Variants in ASB3 observed in about 807,000 individuals in gnomAD.
The protein encoded by ASB3 is ankyrin repeat and SOCS box protein 3.
Under a neutral mutation model 54.5 loss-of-function variants are expected in ASB3, and 41 were observed. The observed-to-expected ratio is 0.75, with a 90% CI of 0.59 to 0.98. The LOEUF is 0.98. Among genes scored for constraint, ASB3 ranks in the 50% least tolerant of loss-of-function variants. ASB3 has a pLI of 0.00. For missense variants in ASB3, 733 were observed against 620.0 expected, an observed-to-expected ratio of 1.18 and a Z score of -1.94; for synonymous variants, 266 against 221.2, an observed-to-expected ratio of 1.20 and a Z score of -1.80.
chr2:53,699,729 T>A (rs1669379343), intron 8 of ASB3, among the ~76,000 whole-genome samples: 1 of 150,216 alleles, frequency 6.7e-6, no homozygotes, highest in Non-Finnish European at 1.5e-5. Context: ...ATAGAAAGAG[T>A]CTTCTTCTTG....
intron 5 of ASB3, 91 bp from the exon 6 acceptor site, chr2:53,716,834 G>A (rs756380278): frequency 1.6e-4 from 219 of 1,371,510 alleles, no homozygotes; most frequent in Non-Finnish European, 1.9e-4. Flanking sequence ...AAAGGGTTTC[G>A]TAGCACGGTA....
intron 2 of ASB3, among the ~76,000 whole-genome samples, chr2:53,751,800 A>G (rs1672529470): frequency 6.6e-6 from 1 of 152,244 alleles, no homozygotes; most frequent in Non-Finnish European, 1.5e-5. Context: ...TTAAGCCATG[A>G]TATCCCAGTA....
At chr2:53,728,015 C>T (rs576162537) in intron 5 of ASB3, among the ~76,000 whole-genome samples, 11 of 152,006 alleles carry the variant, frequency 7.2e-5, no homozygotes, top group Admixed American at 3.9e-4. Flanking sequence ...CATGAGCAAC[C>T]GTGCCTGGCC....
chr2:53,701,414 G>A (rs1392669066), intron 7 of ASB3, among the ~76,000 whole-genome samples: 1 of 152,176 alleles, frequency 6.6e-6, no homozygotes, highest in Non-Finnish European at 1.5e-5. Flanking sequence ...GTAATTGGCA[G>A]AACTGGGATA....
chr2:53,730,484 T>C lies in ASB3; in HGVS notation c.356-914A>G, dbSNP rs181685078. On this transcript the variant is annotated intron_variant, in intron 3 of 9. Coordinates refer to ENST00000263634, the MANE Select transcript of ASB3 (RefSeq NM_016115.5). ...TAAGTTGATTTCATGTCTTGGTGAT[T>C]GTGAATGGTGCTGCAAGGAACATAC... Among the ~76,000 whole-genome samples the C allele has an allele frequency of 6.6e-5, 10 of 152,294 alleles. No individual in the cohort carries two copies. The East Asian group carries it at 1.9e-3, about 29-fold the overall frequency.
At chr2:53,737,875 A>G (rs1191560014) in intron 3 of ASB3, among the ~76,000 whole-genome samples, 1 of 152,206 alleles carries the variant, frequency 6.6e-6, no homozygotes, top group Non-Finnish European at 1.5e-5. Context: ...AATCAAACTG[A>G]ACACTGTCCT....
At chr2:53,771,419 G>A (rs781681441) in intron 1 of ASB3, among the ~76,000 whole-genome samples, 132 of 152,222 alleles carry the variant, frequency 8.7e-4, no homozygotes, top group Non-Finnish European at 1.7e-3. Context: ...AGGCTGAGGT[G>A]AGAGAATTGC....
At chr2:53,673,609 A>G (rs1000903370) in intron 9 of ASB3, among the ~76,000 whole-genome samples, 13 of 152,206 alleles carry the variant, frequency 8.5e-5, no homozygotes, top group Non-Finnish European at 1.8e-4. Flanking sequence ...TGACTTGCCC[A>G]CTGAGATGTG....
At chr2:53,736,118 T>C (rs1238717050) in intron 3 of ASB3, among the ~76,000 whole-genome samples, 2 of 152,058 alleles carry the variant, frequency 1.3e-5, no homozygotes, top group African/African-American at 4.8e-5. Flanking sequence ...TTGGACCACG[T>C]TAAAATTAAG....
chr2:53,771,847 C>A, intron 1 of ASB3: 1 of 900,476 alleles, frequency 1.1e-6, no homozygotes. Flanking sequence ...GTTGCTAATG[C>A]TCAGCTACTT....
intron 3 of ASB3, among the ~76,000 whole-genome samples, chr2:53,737,724 G>GAAA (rs543660229): frequency 6.3e-5 from 4 of 63,882 alleles, no homozygotes; most frequent in Non-Finnish European, 8.9e-5. Flanking sequence ...TTTAAAAAAG[G>GAAA]AAAAAAAAAA....
chr2:53,728,260 A>G (rs1479685577), intron 5 of ASB3, among the ~76,000 whole-genome samples: 2 of 152,218 alleles, frequency 1.3e-5, no homozygotes, highest in African/African-American at 4.8e-5. Context: ...TTAGCAGGTT[A>G]TGTTACTATT....
At chr2:53,687,814 G>T (rs1459346577) in intron 9 of ASB3, among the ~76,000 whole-genome samples, 1 of 152,062 alleles carries the variant, frequency 6.6e-6, no homozygotes, top group East Asian at 1.9e-4. Flanking sequence ...ATTATTTGTA[G>T]CTCTTTTTTT....
At chr2:53,759,038 A>G in intron 2 of ASB3, among the ~76,000 whole-genome samples, 1 of 152,232 alleles carries the variant, frequency 6.6e-6, no homozygotes, top group African/African-American at 2.4e-5. Flanking sequence ...TGTTGCTGCT[A>G]GATCAGACGC....
rs61730532 is a variant in ASB3, at chr2:53,714,547, C to T, written c.817G>A (p.Ala273Thr). The change falls in exon 7 of 10, where the codon GCC (alanine) becomes ACC (threonine). Residue 273 changes from alanine to threonine, a missense_variant. By Grantham distance (58) the Ala-to-Thr change is moderately conservative. Coordinates refer to ENST00000263634, the MANE Select transcript of ASB3 (RefSeq NM_016115.5). ...ACTTTGTTTAGCCCAGTGTCACAGGCCCGGTTAGTAAGTGGTATTAACAAG... is the reference window on the plus strand; with the variant it reads ...ACTTTGTTTAGCCCAGTGTCACAGGTCCGGTTAGTAAGTGGTATTAACAAG... Reference protein sequence around the residue: ...LDLLIPLTNRACDTGLNKVSP... With the variant: ...LDLLIPLTNRTCDTGLNKVSP... The T allele has an allele frequency of 1.1e-4, 174 of 1,614,058 alleles. No homozygotes were observed. In the African/African-American group the frequency reaches 2.2e-3, roughly 21 times the overall value.
intron 2 of ASB3, among the ~76,000 whole-genome samples, chr2:53,754,994 G>C (rs914834013): frequency 6.6e-6 from 1 of 152,082 alleles, no homozygotes; most frequent in Non-Finnish European, 1.5e-5. Flanking sequence ...TTCTCTACAG[G>C]GGTGCTTCTT....
rs200203302 is a variant in ASB3, at chr2:53,728,776, G to C, written c.540C>G (p.Ile180Met). 1.2e-6 allele frequency: 2 copies of C among 1,612,718 alleles called. No individual in the cohort carries two copies. The highest frequency in any genetic ancestry group is 2.7e-5 in the African/African-American group (2 of 75,002). ...ANKECQDDFG[I>M]TPLFVAAQYG... ...ACTGAGCAGCCACAAATAAAGGTGT[G>C]ATTCCAAAGTCATCCTGGCATTCCT... The change falls in exon 5 of 10, where the codon ATC becomes ATG. Residue 180 changes from isoleucine (I) to methionine (M), a missense_variant. Ile to Met is a conservative substitution (Grantham distance 10, BLOSUM62 1). Transcript: ENST00000263634.
chr2:53,785,796 T>G (rs535026517), intron 1 of ASB3, among the ~76,000 whole-genome samples: 3 of 152,316 alleles, frequency 2.0e-5, no homozygotes, highest in South Asian at 4.1e-4. Flanking sequence ...GAGCCAAGAT[T>G]ATGCCTCTGC....
At chr2:53,722,313 C>G (rs1403419714) in intron 5 of ASB3, among the ~76,000 whole-genome samples, 1 of 152,122 alleles carries the variant, frequency 6.6e-6, no homozygotes, top group African/African-American at 2.4e-5. Context: ...AGACTCCTCC[C>G]TAACTTGTTC....
Sources: allele counts gnomAD v4.1 joint callset (sites outside exome capture counted in the v4.1 genomes callset), GRCh38; gene constraint gnomAD v4.1.1; transcripts MANE v1.5; gene names NCBI Gene and HGNC (gene_info 2026-07-23, HGNC 2026-07-21).